MED13: variants seen among roughly 807,000 people sequenced by gnomAD.
MED13 encodes mediator complex subunit 13.
In MED13, 23 loss-of-function variants were observed where a neutral mutation model predicts 225.2. That is an observed-to-expected ratio of 0.10 (90% CI 0.07 to 0.14). The LOEUF (loss-of-function observed/expected upper bound fraction) is 0.14, where lower values mean the gene tolerates loss of function less well. MED13 is among the 10% of genes least tolerant of loss of function. MED13 has a pLI of 1.00. For synonymous variants in MED13, 942 were observed against 889.2 expected, an observed-to-expected ratio of 1.06 and a Z score of -1.06; for missense variants, 2,197 against 2,594.5, an observed-to-expected ratio of 0.85 and a Z score of 3.33.
intron 4 of MED13, among the ~76,000 whole-genome samples, 183 bp from the exon 5 acceptor site, chr17:62,034,167 GTTT>G (rs1422543872): frequency 1.3e-5 from 2 of 152,194 alleles, no homozygotes; most frequent in African/African-American, 4.8e-5. Flanking sequence ...ATGACACTGA[GTTT>G]ATTATATAAA....
At position 61,961,794 on chromosome 17, in the gene MED13, C is replaced by A. The variant is rs1236776534; in HGVS notation, c.5065-15G>T. ...CAAGGAATAATCTAAGAAGTATAGGCAAATATTACAAATGTTAAACTTCCA... is the reference window on the plus strand; with the variant it reads ...CAAGGAATAATCTAAGAAGTATAGGAAAATATTACAAATGTTAAACTTCCA... On this transcript the variant is annotated splice_polypyrimidine_tract_variant and intron_variant, in intron 21 of 29. Coordinates refer to ENST00000397786, the MANE Select transcript of MED13 (RefSeq NM_005121.3). The A allele has an allele frequency of 1.2e-6, 2 of 1,601,244 alleles. No homozygotes were observed. Among genetic ancestry groups the A allele is most frequent in the Non-Finnish European group, 1.7e-6 (2 of 1,171,718 alleles).
At chr17:61,958,312 C>A (rs1026031969) in intron 23 of MED13, among the ~76,000 whole-genome samples, 1 of 152,096 alleles carries the variant, frequency 6.6e-6, no homozygotes, top group Non-Finnish European at 1.5e-5. Context: ...GGACTACAGG[C>A]GCGTGCGACC....
intron 2 of MED13, among the ~76,000 whole-genome samples, chr17:62,056,639 T>C (rs1050048479): frequency 1.7e-4 from 26 of 152,188 alleles, no homozygotes; most frequent in African/African-American, 6.0e-4. Flanking sequence ...GCAATGCCTG[T>C]AGGCCCAGCT....
Position 61,946,283 on chromosome 17 carries a change from A to C in MED13, c.*185T>G. 1.6e-6 allele frequency: 1 copy of C among 629,338 alleles called. No individual in the cohort carries two copies. The highest frequency in any genetic ancestry group is 2.7e-6 in the Non-Finnish European group (1 of 376,514). 39.0% of individuals were successfully genotyped at this position (629,338 alleles called of 1,614,324 possible). A position where few individuals can be genotyped will look rare whatever the true frequency, so the allele number is the denominator to read the frequency against. ...ATCAGTCATCATCCTAAAGAGTTCA[A>C]TAGAGTCAATGAAAAATAGCAGGGT... On this transcript the variant is annotated 3_prime_UTR_variant, in exon 30 of 30. Transcript: ENST00000397786.
chr17:62,019,765 C>T (rs1413300008), intron 8 of MED13, among the ~76,000 whole-genome samples: 10 of 145,812 alleles, frequency 6.9e-5, no homozygotes, highest in East Asian at 6.0e-4. Context: ...TTTTTTGAGA[C>T]GGAGCCTCGC....
chr17:62,016,104 G>A (rs1363955123), intron 8 of MED13, among the ~76,000 whole-genome samples: 51 of 140,284 alleles, frequency 3.6e-4, no homozygotes, highest in African/African-American at 1.3e-3. Context: ...CACCCAGCCT[G>A]AACTTTGTAA....
Position 61,961,026 on chromosome 17 carries a change from G to C in MED13, c.5321C>G (p.Thr1774Arg). 6.2e-7 allele frequency: 1 copy of C among 1,613,910 alleles called. No individual in the cohort carries two copies. The highest frequency in any genetic ancestry group is 8.5e-7 in the Non-Finnish European group (1 of 1,179,948). Residue 1774 changes from threonine to arginine, a missense_variant, in exon 23 of 30, where the codon ACA becomes AGA. Physicochemically the swap from Thr to Arg is moderately conservative, Grantham distance 71 (BLOSUM62 -1). This residue lies in a region of MED13 where 5 missense variants were observed against 20.5 expected (regional missense o/e 0.24). Coordinates refer to ENST00000397786, the MANE Select transcript of MED13 (RefSeq NM_005121.3). ...TTCTCCAAATGTTTCTCCTAGCTCT[G>C]TCTGTTTGTCCTTCACTGGAGCCAG... ...FILAPVKDKQ[T>R]ELGETFGEAG...
At chr17:61,979,988 A>C (rs566799455) in intron 16 of MED13, among the ~76,000 whole-genome samples, 33 of 152,292 alleles carry the variant, frequency 2.2e-4, no homozygotes, top group African/African-American at 7.7e-4. Context: ...CAGGAGTTCG[A>C]GACCAGCCTG....
chr17:62,044,725 C>T (rs753319413), intron 3 of MED13, among the ~76,000 whole-genome samples: 8 of 152,252 alleles, frequency 5.3e-5, no homozygotes, highest in African/African-American at 1.4e-4. Flanking sequence ...TGCAGTGGCA[C>T]GATCTCTGCT....
At chr17:62,004,731 T>G (rs181947825) in intron 9 of MED13, 1 of 152,248 alleles carries the variant, frequency 6.6e-6, no homozygotes, top group Non-Finnish European at 1.5e-5. Context: ...TAAGACAATA[T>G]TTTACTTGCA....
chr17:61,981,108 C>T (rs1056116015), intron 16 of MED13, among the ~76,000 whole-genome samples: 6 of 152,000 alleles, frequency 3.9e-5, no homozygotes, highest in Admixed American at 3.9e-4. Context: ...CTGCAACTTC[C>T]GCCTCCCAGG....
Position 61,965,130 on chromosome 17 carries a change from T to C in MED13, c.4720A>G (p.Thr1574Ala). 1.9e-6 allele frequency: 3 copies of C among 1,614,182 alleles called. No individual in the cohort carries two copies. The highest frequency in any genetic ancestry group is 2.5e-6 in the Non-Finnish European group (3 of 1,180,032). The change falls in exon 20 of 30, where the codon ACA becomes GCA. Residue 1574 changes from threonine to alanine, a missense_variant. Physicochemically the swap from Thr to Ala is moderately conservative, Grantham distance 58 (BLOSUM62 0). Coordinates refer to ENST00000397786, the MANE Select transcript of MED13 (RefSeq NM_005121.3). ...MNSNAAGSMS[T>A]QANTVQSGQL... ...CCACTCTGAACTGTATTTGCTTGTG[T>C]AGACATGGATCCTGCAGCATTACTG... is the stretch of plus-strand genomic sequence containing the variant.
chr17:62,026,478 T>TAA (rs377190736), intron 8 of MED13, among the ~76,000 whole-genome samples: 62 of 122,642 alleles, frequency 5.1e-4, no homozygotes, highest in African/African-American at 1.7e-3. Context: ...TATTTATCAT[T>TAA]AAAAAAAAAA....
intron 6 of MED13, chr17:62,030,447 C>T (rs768607416): frequency 6.5e-6 from 1 of 153,168 alleles, no homozygotes; most frequent in Non-Finnish European, 1.5e-5. Context: ...GGACACCAGC[C>T]ATGGAGCTGC....
chr17:61,950,504 C>T (rs2079887706), intron 28 of MED13, among the ~76,000 whole-genome samples: 1 of 152,002 alleles, frequency 6.6e-6, no homozygotes, highest in South Asian at 2.1e-4. Flanking sequence ...CTGCCTTAGC[C>T]TCCCGAGTAG....
At chr17:62,043,177 A>G (rs1200481278) in intron 3 of MED13, among the ~76,000 whole-genome samples, 1 of 149,156 alleles carries the variant, frequency 6.7e-6, no homozygotes, top group Non-Finnish European at 1.5e-5. Context: ...AAAAAAAAAA[A>G]AAAAAAAGAA....
chr17:62,018,446 T>A lies in MED13; in HGVS notation c.1284-7213A>T, dbSNP rs112631398. On this transcript the variant is annotated intron_variant, in intron 8 of 29. Transcript: ENST00000397786. The stretch of plus-strand genomic sequence containing the variant: ...AGGGCCAGGTACAGTGGCTCATGCC[T>A]GTAACCCCAACACTTTGGGAGGCTG... Among the ~76,000 whole-genome samples, 428 of 152,322 alleles carry A rather than the reference T, an allele frequency of 2.8e-3. 2 individuals carry two copies. The highest frequency in any genetic ancestry group is 9.8e-3 in the African/African-American group (407 of 41,576).
intron 9 of MED13, among the ~76,000 whole-genome samples, chr17:62,002,046 A>G (rs993646682): frequency 2.0e-5 from 3 of 152,216 alleles, no homozygotes. Flanking sequence ...GATATTTACA[A>G]TGACTAGGTG....
chr17:62,019,746 CT>C lies in MED13; in HGVS notation c.1284-8514del, dbSNP rs60862205. Among the ~76,000 whole-genome samples the C allele has an allele frequency of 3.8e-3, 543 of 142,860 alleles. 1 individual carries two copies. Among genetic ancestry groups the C allele is most frequent in the African/African-American group, 7.7e-3 (301 of 39,176 alleles). 93.7% of individuals were successfully genotyped at this position (142,860 alleles called of 152,430 possible). A position where few individuals can be genotyped will look rare whatever the true frequency, so the allele number is the denominator to read the frequency against. On this transcript the variant is annotated intron_variant, in intron 8 of 29. Coordinates refer to ENST00000397786, the MANE Select transcript of MED13 (RefSeq NM_005121.3). Reference sequence around the variant, plus strand: ...AGAGTACAATTGAATTTCTTTTTTTCTTTTTTTTTTTTTTGAGACGGAGCCT... The same window carrying C: ...AGAGTACAATTGAATTTCTTTTTTTCTTTTTTTTTTTTTGAGACGGAGCCT...
Sources: allele counts gnomAD v4.1 joint callset (sites outside exome capture counted in the v4.1 genomes callset), GRCh38; gene constraint gnomAD v4.1.1; regional missense constraint gnomAD v4.1.1; transcripts MANE v1.5; gene names NCBI Gene and HGNC (gene_info 2026-07-23, HGNC 2026-07-21).